The following SCAI variants were observed in gnomAD, a reference collection of about 807,000 sequenced individuals.
The protein encoded by SCAI is protein SCAI.
A neutral mutation model predicts 92.2 loss-of-function variants in SCAI; 24 were observed. The observed-to-expected ratio is 0.26, with a 90% CI of 0.19 to 0.37. The LOEUF (loss-of-function observed/expected upper bound fraction) is 0.37. Among genes scored for constraint, SCAI ranks in the 10% least tolerant of loss-of-function variants. The pLI, the probability that SCAI is intolerant of heterozygous loss-of-function variation, is 1.00. For missense variants in SCAI, 450 were observed against 736.2 expected (o/e 0.61, Z 4.50); for synonymous variants, 261 against 258.6 (o/e 1.01, Z -0.09).
chr9:124,975,916 G>A (rs1156978428), intron 15 of SCAI, among the ~76,000 whole-genome samples, 198 bp downstream of exon 15: 1 of 152,150 alleles, frequency 6.6e-6, no homozygotes, highest in East Asian at 1.9e-4. Flanking sequence ...ATTATTTCAA[G>A]GCCTAACGGT....
intron 16 of SCAI, 99 bp from the exon 17 acceptor site, chr9:124,971,569 C>G: frequency 7.2e-7 from 1 of 1,394,848 alleles, no homozygotes; most frequent in Non-Finnish European, 9.9e-7. Context: ...ACTTTCCTGC[C>G]TGGGACACAT....
chr9:125,008,368 C>A (rs181783271), intron 9 of SCAI, among the ~76,000 whole-genome samples: 1 of 152,176 alleles, frequency 6.6e-6, no homozygotes, highest in East Asian at 1.9e-4. Context: ...GACTCCTAAC[C>A]TCAAGTGATC....
intron 2 of SCAI, among the ~76,000 whole-genome samples, chr9:125,116,729 T>C (rs1835053307): frequency 6.6e-6 from 1 of 152,016 alleles, no homozygotes; most frequent in South Asian, 2.1e-4. Flanking sequence ...CTTCAGAATG[T>C]TAACCAAAAA....
At chr9:124,998,192 C>T (rs934185317) in intron 13 of SCAI, among the ~76,000 whole-genome samples, 2 of 152,146 alleles carry the variant, frequency 1.3e-5, no homozygotes, top group East Asian at 1.9e-4. Context: ...AGGCCCAGCG[C>T]GGTGGCTCAT....
chr9:125,038,360 T>A (rs1312171744), intron 3 of SCAI, among the ~76,000 whole-genome samples: 1 of 152,194 alleles, frequency 6.6e-6, no homozygotes, highest in East Asian at 1.9e-4. Flanking sequence ...TGTTAAAATG[T>A]TTTTCTTGAG....
chr9:124,987,185 A>G (rs1832011588), intron 14 of SCAI, among the ~76,000 whole-genome samples: 1 of 151,974 alleles, frequency 6.6e-6, no homozygotes, highest in Non-Finnish European at 1.5e-5. Context: ...CACCATGCCT[A>G]GCTAATTTTT....
intron 2 of SCAI, among the ~76,000 whole-genome samples, chr9:125,106,142 T>TATATATATATATATATAGTTAA (rs1834789820): frequency 9.3e-6 from 1 of 107,448 alleles, no homozygotes; most frequent in Non-Finnish European, 1.9e-5. Context: ...TATATATATA[T>TATATATATATATATATAGTTAA]ATATATATAT....
At chr9:124,986,910 T>C (rs1360884777) in intron 14 of SCAI, among the ~76,000 whole-genome samples, 1 of 152,238 alleles carries the variant, frequency 6.6e-6, no homozygotes, top group African/African-American at 2.4e-5. Context: ...TACTCCTGTT[T>C]TGACAAATCT....
intron 2 of SCAI, among the ~76,000 whole-genome samples, chr9:125,128,326 T>C (rs565283684): frequency 1.3e-5 from 2 of 151,036 alleles, no homozygotes; most frequent in South Asian, 2.1e-4. Context: ...CTAAAATGTA[T>C]ACGGGTAATT....
intron 9 of SCAI, among the ~76,000 whole-genome samples, chr9:125,016,853 T>A (rs1280439273): frequency 2.0e-5 from 3 of 152,162 alleles, no homozygotes; most frequent in East Asian, 1.9e-4. Context: ...AGGAAAAAAA[T>A]TATAAATTAG....
At chr9:124,955,503 C>T (rs1277630797) in intron 17 of SCAI, among the ~76,000 whole-genome samples, 5 of 151,762 alleles carry the variant, frequency 3.3e-5, no homozygotes, top group African/African-American at 1.2e-4. Context: ...TGCCTGTAAT[C>T]CCAGCTACTT....
chr9:125,075,602 T>C (rs1168945179), intron 2 of SCAI, among the ~76,000 whole-genome samples: 1 of 149,720 alleles, frequency 6.7e-6, no homozygotes, highest in Non-Finnish European at 1.5e-5. Context: ...GTTTCGCTCC[T>C]GTTGACCAGG....
intron 9 of SCAI, 144 bp downstream of exon 9, chr9:125,018,655 T>G (rs2131070379): frequency 1.6e-6 from 1 of 643,892 alleles, no homozygotes; most frequent in African/African-American, 1.8e-5. Context: ...CTGTAATATA[T>G]TCCATATATG....
At position 125,060,261 on chromosome 9, in the gene SCAI, T is replaced by TG. The variant is rs1276799249; in HGVS notation, c.99-4255dup. Among the ~76,000 whole-genome samples the TG allele has an allele frequency of 6.7e-5, 8 of 118,986 alleles. No homozygotes were observed. The South Asian group carries it at 1.3e-3, about 19-fold the overall frequency. 78.1% of individuals were successfully genotyped at this position (118,986 alleles called of 152,430 possible). A position where few individuals can be genotyped will look rare whatever the true frequency, so the allele number is the denominator to read the frequency against. On this transcript the variant is annotated intron_variant, in intron 2 of 17. Coordinates refer to ENST00000336505, the MANE Select transcript of SCAI (RefSeq NM_001144877.3). The stretch of plus-strand genomic sequence containing the variant: ...TATGCCAGATTTAGAAGGCTTAGTA[T>TG]GAAAAAAAAAAAAAAAAGCCATGGC...
At chr9:125,132,081 C>T (rs1442179631) in intron 2 of SCAI, among the ~76,000 whole-genome samples, 4 of 151,734 alleles carry the variant, frequency 2.6e-5, no homozygotes, top group Admixed American at 6.6e-5. Flanking sequence ...AACATGCTTT[C>T]GCTAGGTTAT....
chr9:125,039,078 G>T (rs388704), intron 3 of SCAI, among the ~76,000 whole-genome samples: 92,456 of 151,992 alleles, frequency 0.61, 28,430 homozygotes, highest in Admixed American at 0.67. Context: ...TCTTACATTC[G>T]GCTTAATTTT....
intron 2 of SCAI, among the ~76,000 whole-genome samples, chr9:125,132,117 CT>C (rs758872012): frequency 0.024 from 3,435 of 142,632 alleles, 88 homozygotes; most frequent in African/African-American, 0.075. Context: ...TTCTTTTTTC[CT>C]TTTTTTTTTT....
chr9:125,061,250 T>A lies in SCAI; in HGVS notation c.99-5243A>T, dbSNP rs766475297. Among the ~76,000 whole-genome samples the A allele has an allele frequency of 3.4e-4, 52 of 151,596 alleles. 1 individual carries two copies. Among genetic ancestry groups the A allele is most frequent in the Non-Finnish European group, 3.7e-4 (25 of 67,970 alleles). ...AGGCGGAGCTTGTAATGAGCAGAGA[T>A]CGCGCGACTGCACTCCAGCCTGGGC... On this transcript the variant is annotated intron_variant, in intron 2 of 17. Transcript: ENST00000336505.
At position 125,044,792 on chromosome 9, in the gene SCAI, T is replaced by C. The variant is rs1442687123; in HGVS notation, c.230+11084A>G. 2.0e-5 allele frequency among the ~76,000 whole-genome samples: 3 copies of C among 152,174 alleles called. No individual in the cohort carries two copies. The East Asian group carries it at 5.8e-4, about 29-fold the overall frequency. ...TCCCTGAGCCAGGGTTGTGACATCCTCTTTGGGGCTTGTGGTTCCTGGCAT... is the reference window on the plus strand; with the variant it reads ...TCCCTGAGCCAGGGTTGTGACATCCCCTTTGGGGCTTGTGGTTCCTGGCAT... On this transcript the variant is annotated intron_variant, in intron 3 of 17. Coordinates refer to ENST00000336505, the MANE Select transcript of SCAI (RefSeq NM_001144877.3).
Sources: allele counts gnomAD v4.1 joint callset (sites outside exome capture counted in the v4.1 genomes callset), GRCh38; gene constraint gnomAD v4.1.1; transcripts MANE v1.5; gene names NCBI Gene and HGNC (gene_info 2026-07-23, HGNC 2026-07-21).